Variants in WDPCP observed in about 807,000 individuals in gnomAD.
The protein encoded by WDPCP is WD repeat-containing and planar cell polarity effector protein fritz homolog.
WDPCP carries 71 observed loss-of-function variants against 93.1 expected under a neutral mutation model. That is an observed-to-expected ratio of 0.76 (90% CI 0.63 to 0.93). WDPCP has a LOEUF of 0.93. Ranked by LOEUF, WDPCP falls within the 40% of genes least tolerant of loss-of-function variation. The pLI is 0.00. For synonymous variants in WDPCP, 315 were observed against 315.0 expected, an observed-to-expected ratio of 1.00 and a Z score of 0.00; for missense variants, 844 against 887.4, an observed-to-expected ratio of 0.95 and a Z score of 0.62.
At chr2:63,742,385 G>C (rs962403968) in intron 2 of WDPCP, among the ~76,000 whole-genome samples, 1 of 151,800 alleles carries the variant, frequency 6.6e-6, no homozygotes, top group Non-Finnish European at 1.5e-5. Flanking sequence ...CATGTAACTT[G>C]TGGATGATAC....
chr2:63,559,091 A>C (rs1706373028), intron 1 of WDPCP, among the ~76,000 whole-genome samples: 1 of 152,232 alleles, frequency 6.6e-6, no homozygotes, highest in Admixed American at 6.5e-5. Context: ...ACCACGATCA[A>C]GTCAGCTTCA....
chr2:63,605,041 A>C (rs1333900908), intron 3 of WDPCP, among the ~76,000 whole-genome samples: 1 of 152,188 alleles, frequency 6.6e-6, no homozygotes, highest in African/African-American at 2.4e-5. Context: ...ATGTGACAGC[A>C]GTTGAGATTT....
At chr2:63,604,743 T>C in intron 3 of WDPCP, 2 of 1,614,176 alleles carry the variant, frequency 1.2e-6, no homozygotes, top group Non-Finnish European at 1.7e-6. Flanking sequence ...AGAATGTCAT[T>C]ATCTGGGGAA....
At chr2:63,656,451 T>C (rs1203703363) in intron 2 of WDPCP, among the ~76,000 whole-genome samples, 1 of 152,212 alleles carries the variant, frequency 6.6e-6, no homozygotes, top group African/African-American at 2.4e-5. Context: ...ATACCTGGGC[T>C]ACAGGCGGGC....
intron 14 of WDPCP, among the ~76,000 whole-genome samples, chr2:63,248,923 T>A (rs1008034768): frequency 2.6e-5 from 4 of 151,990 alleles, no homozygotes; most frequent in Non-Finnish European, 4.4e-5. Flanking sequence ...GTTTTTTTTT[T>A]AATATTCTTT....
At chr2:63,605,984 G>A in intron 3 of WDPCP, 1 of 1,614,166 alleles carries the variant, frequency 6.2e-7, no homozygotes, top group South Asian at 1.1e-5. Context: ...CAACTCCTAT[G>A]GTGTTCCTGA....
chr2:63,310,786 G>A (rs1199021591), intron 13 of WDPCP, among the ~76,000 whole-genome samples: 1 of 152,094 alleles, frequency 6.6e-6, no homozygotes, highest in Non-Finnish European at 1.5e-5. Flanking sequence ...TTGAGCCCAG[G>A]AGTTCAAGGT....
chr2:63,604,855 A>G, intron 3 of WDPCP: 1 of 1,614,182 alleles, frequency 6.2e-7, no homozygotes, highest in Non-Finnish European at 8.5e-7. Context: ...CAGCTGGCTC[A>G]AGGGAGAATT....
chr2:63,381,244 T>A (rs1388064369), intron 11 of WDPCP, among the ~76,000 whole-genome samples: 2 of 152,148 alleles, frequency 1.3e-5, no homozygotes, highest in African/African-American at 4.8e-5. Context: ...TTCATTATTG[T>A]ATGTGTCACA....
intron 13 of WDPCP, among the ~76,000 whole-genome samples, chr2:63,312,716 C>T (rs1311859127): frequency 6.6e-6 from 1 of 152,126 alleles, no homozygotes; most frequent in East Asian, 1.9e-4. Flanking sequence ...TTTTACTGTT[C>T]TGTAGCTAAT....
intron 10 of WDPCP, among the ~76,000 whole-genome samples, chr2:63,395,768 C>T (rs1486221822): frequency 2.0e-5 from 3 of 152,090 alleles, no homozygotes; most frequent in Admixed American, 2.0e-4. Flanking sequence ...GCTCTTGCTG[C>T]CCAGGCTGGA....
At chr2:63,160,460 T>A (rs542805425) in intron 15 of WDPCP, among the ~76,000 whole-genome samples, 87 of 152,284 alleles carry the variant, frequency 5.7e-4, no homozygotes, top group Middle Eastern at 3.4e-3. Flanking sequence ...AATTTGACTA[T>A]CACAAAGAAT....
At chr2:63,260,849 G>T (rs368309098) in intron 13 of WDPCP, among the ~76,000 whole-genome samples, 1 of 152,114 alleles carries the variant, frequency 6.6e-6, no homozygotes, top group East Asian at 1.9e-4. Context: ...GCACCCGGCC[G>T]GTAAAGACTT....
chr2:63,594,529 A>G lies in WDPCP; in HGVS notation n.488+56130T>C, dbSNP rs17028056. 11,245 of 1,613,858 alleles carry G rather than the reference A, an allele frequency of 7.0e-3. 719 individuals carry two copies. The African/African-American group carries it at 0.13, about 19-fold the overall frequency. ...TCCTTGTGACTGGAGCAGCTGGTCA[A>G]ATTGCATATTCACTGCTGTACAGTA... On this transcript the variant is annotated intron_variant and non_coding_transcript_variant, in intron 3 of 4. Coordinates refer to the WDPCP transcript ENST00000467687.
intron 2 of WDPCP, among the ~76,000 whole-genome samples, chr2:63,694,231 G>C (rs893868757): frequency 2.0e-5 from 3 of 152,134 alleles, no homozygotes; most frequent in African/African-American, 4.8e-5. Context: ...TCAATGATTG[G>C]TGAAGTGATT....
In WDPCP at chr2:63,384,698, G is replaced by T. The variant is rs940012415; in HGVS notation, c.1436-2604C>A. Among the ~76,000 whole-genome samples the T allele has an allele frequency of 3.3e-5, 5 of 151,420 alleles. No individual in the cohort carries two copies. In the South Asian group the frequency reaches 1.0e-3, roughly 32 times the overall value. On this transcript the variant is annotated intron_variant, in intron 10 of 17. Transcript: ENST00000272321. ...CCCAAGAGTTTTAAGTCCAACCTGG[G>T]CAAGACAGCAAGACTGTGTCTCTAA...
At chr2:63,232,047 C>G (rs74182575) in intron 14 of WDPCP, among the ~76,000 whole-genome samples, 11 of 152,302 alleles carry the variant, frequency 7.2e-5, no homozygotes, top group African/African-American at 2.6e-4. Context: ...ACCATCTGGT[C>G]TTTGACAAAC....
intron 1 of WDPCP, among the ~76,000 whole-genome samples, chr2:63,548,418 C>G (rs1705316559): frequency 6.6e-6 from 1 of 151,608 alleles, no homozygotes; most frequent in Non-Finnish European, 1.5e-5. Flanking sequence ...AAAACAAAAA[C>G]TAACAGAAGT....
intron 12 of WDPCP, among the ~76,000 whole-genome samples, chr2:63,354,154 C>G (rs548599913): frequency 6.6e-6 from 1 of 152,150 alleles, no homozygotes; most frequent in Admixed American, 6.5e-5. Flanking sequence ...CAAAGAGAGG[C>G]CAGTCCGTCT....
Sources: allele counts gnomAD v4.1 joint callset (sites outside exome capture counted in the v4.1 genomes callset), GRCh38; gene constraint gnomAD v4.1.1; transcripts MANE v1.5; gene names NCBI Gene and HGNC (gene_info 2026-07-23, HGNC 2026-07-21).